BCL11B: variants seen among roughly 807,000 people sequenced by gnomAD.
BCL11B encodes the protein BCL11 transcription factor B.
In BCL11B, 8 loss-of-function variants were observed where a neutral mutation model predicts 49.9. The observed-to-expected ratio is 0.16, with a 90% CI of 0.09 to 0.29. The LOEUF is 0.29. Among genes scored for constraint, BCL11B ranks in the 10% least tolerant of loss-of-function variants. The pLI is 1.00. For missense variants in BCL11B, 1,006 were observed against 1,351.0 expected (o/e 0.74, Z 4.00); for synonymous variants, 739 against 637.4 (o/e 1.16, Z -2.40).
chr14:99,190,123 T>G lies in BCL11B; in HGVS notation c.641-13928A>C, dbSNP rs528634117. Among the ~76,000 whole-genome samples, 6 of 152,348 alleles carry G rather than the reference T, an allele frequency of 3.9e-5. No homozygotes were observed. In the South Asian group the frequency reaches 1.2e-3, roughly 32 times the overall value. Reference sequence around the variant, plus strand: ...ACCTGGCACCCGACCCTACTGGGTGTCCCAATAATGAGCCAACACTTAAAG... The same window carrying G: ...ACCTGGCACCCGACCCTACTGGGTGGCCCAATAATGAGCCAACACTTAAAG... On this transcript the variant is annotated intron_variant, in intron 3 of 3. Transcript: ENST00000357195.
chr14:99,246,565 C>T (rs1039201738), intron 2 of BCL11B, among the ~76,000 whole-genome samples: 12 of 152,196 alleles, frequency 7.9e-5, no homozygotes, highest in Admixed American at 7.9e-4. Flanking sequence ...TTTGAAGTTG[C>T]CAAAGTGTCC....
intron 3 of BCL11B, among the ~76,000 whole-genome samples, chr14:99,201,126 C>T (rs1296070361): frequency 6.6e-6 from 1 of 152,164 alleles, no homozygotes; most frequent in Admixed American, 6.5e-5. Flanking sequence ...CCCAGTTCTC[C>T]GAGGGAAGTG....
chr14:99,175,392 C>A lies in BCL11B; in HGVS notation c.1444G>T (p.Gly482Cys). The A allele has an allele frequency of 1.2e-6, 2 of 1,601,020 alleles. No homozygotes were observed. The highest frequency in any genetic ancestry group is 1.7e-6 in the Non-Finnish European group (2 of 1,176,014). ...RHMKTHMHKA[G>C]SLAGRSDDGL... is the part of the protein sequence containing the mutation. ...TCGTCGGAGCGGCCGGCCAGCGAGC[C>A]GGCCTTGTGCATGTGCGTCTTCATG... Residue 482 changes from glycine (G) to cysteine (C), a missense_variant, in exon 4 of 4, where the codon GGC (glycine) becomes TGC (cysteine). Gly to Cys is a radical substitution (Grantham distance 159). This residue lies in a region of BCL11B where 443 missense variants were observed against 499.7 expected (regional missense o/e 0.89). Transcript: ENST00000357195.
chr14:99,220,049 C>T (rs189716828), intron 3 of BCL11B, among the ~76,000 whole-genome samples: 1 of 152,282 alleles, frequency 6.6e-6, no homozygotes, highest in Non-Finnish European at 1.5e-5. Flanking sequence ...GAGGCAGGTT[C>T]CTTGGCTATC....
rs549811281 is a variant in BCL11B at position 99,170,342 on chromosome 14, T to G, written c.*3809A>C. Reference sequence around the variant, plus strand: ...AAAGCTTCTGCATTTGGTAAGGAATTGCCCAAAAGGATGCTTGGTTATACT... The same window carrying G: ...AAAGCTTCTGCATTTGGTAAGGAATGGCCCAAAAGGATGCTTGGTTATACT... On this transcript the variant is annotated 3_prime_UTR_variant, in exon 4 of 4. Coordinates refer to ENST00000357195, the MANE Select transcript of BCL11B (RefSeq NM_138576.4). 4.5e-6 allele frequency: 1 copy of G among 222,780 alleles called. No homozygotes were observed. The highest frequency in any genetic ancestry group is 9.0e-6 in the Non-Finnish European group (1 of 111,334). 13.8% of individuals were successfully genotyped at this position (222,780 alleles called of 1,614,324 possible).
chr14:99,181,058 T>C (rs1886685529), intron 3 of BCL11B, among the ~76,000 whole-genome samples: 2 of 152,206 alleles, frequency 1.3e-5, no homozygotes, highest in Non-Finnish European at 2.9e-5. Flanking sequence ...ACACCTTTAA[T>C]TGAAATTATT....
chr14:99,173,266 T>C lies in BCL11B; in HGVS notation c.*885A>G, dbSNP rs903078950. On this transcript the variant is annotated 3_prime_UTR_variant, in exon 4 of 4. Transcript: ENST00000357195. ...GGCACCCCAGGGCACACCAACAGGA[T>C]AGTATCTGCTGGTCATGCACAACCT... 4.5e-6 allele frequency: 1 copy of C among 224,564 alleles called. No individual in the cohort carries two copies. Among genetic ancestry groups the C allele is most frequent in the Admixed American group, 5.7e-5 (1 of 17,432 alleles). The allele number at this position is 224,564 out of a possible 1,614,324, so 13.9% of individuals were successfully genotyped here.
intron 3 of BCL11B, among the ~76,000 whole-genome samples, chr14:99,185,826 A>AAG (rs150678558): frequency 0.011 from 1,646 of 152,340 alleles, 23 homozygotes; most frequent in African/African-American, 0.038. Flanking sequence ...GAAGCCCTGG[A>AAG]AGAGTATCAG....
intron 3 of BCL11B, among the ~76,000 whole-genome samples, chr14:99,196,193 C>A (rs1045795064): frequency 5.3e-5 from 8 of 152,156 alleles, no homozygotes; most frequent in Non-Finnish European, 8.8e-5. Flanking sequence ...ATGCTGCCCC[C>A]CAGCCCACGT....
At position 99,262,343 on chromosome 14, in the gene BCL11B, T is replaced by C. The variant is rs1595083887; in HGVS notation, c.59-4504A>G. On this transcript the variant is annotated intron_variant, in intron 1 of 3. Transcript: ENST00000357195. This position sits in a 1 kb window ranked among gnomAD's most constrained non-coding sequence, Gnocchi z 4.2. ...GTGCGTGGCTGCCTGCACACACACA[T>C]GTGCATTGCTACATACACAGTACGT... Among the ~76,000 whole-genome samples, 1 of 152,256 alleles carries C rather than the reference T, an allele frequency of 6.6e-6. No individual in the cohort carries two copies. Among genetic ancestry groups the C allele is most frequent in the South Asian group, 2.1e-4 (1 of 4,830 alleles).
intron 3 of BCL11B, among the ~76,000 whole-genome samples, chr14:99,217,967 T>C (rs1887900267): frequency 6.6e-6 from 1 of 152,170 alleles, no homozygotes; most frequent in Non-Finnish European, 1.5e-5. Context: ...AAAATAATTA[T>C]ATTTTCTTTT....
chr14:99,184,628 C>A lies in BCL11B; in HGVS notation c.641-8433G>T, dbSNP rs1412162274. Among the ~76,000 whole-genome samples the A allele has an allele frequency of 6.6e-6, 1 of 152,188 alleles. No homozygotes were observed. Among genetic ancestry groups the A allele is most frequent in the Non-Finnish European group, 1.5e-5 (1 of 68,040 alleles). ...TGGGGTCCAGACTCACAACTGGCTG[C>A]CCCTCACACAGGGATGGCAGACCCT... On this transcript the variant is annotated intron_variant, in intron 3 of 3. Coordinates refer to ENST00000357195, the MANE Select transcript of BCL11B (RefSeq NM_138576.4). The surrounding 1 kb of genome is among the most constrained non-coding windows in gnomAD (Gnocchi z 6.1).
chr14:99,246,463 C>A (rs939507125), intron 2 of BCL11B, among the ~76,000 whole-genome samples: 1 of 152,188 alleles, frequency 6.6e-6, no homozygotes, highest in African/African-American at 2.4e-5. Context: ...CAGGCGCGCC[C>A]GCAGGCCTGG....
At chr14:99,253,300 A>G (rs1297083939) in intron 2 of BCL11B, among the ~76,000 whole-genome samples, 1 of 152,220 alleles carries the variant, frequency 6.6e-6, no homozygotes, top group Non-Finnish European at 1.5e-5. Context: ...CAAAAGGCAG[A>G]ATGGACGGGA....
chr14:99,188,794 G>A (rs1033407070), intron 3 of BCL11B, among the ~76,000 whole-genome samples: 6 of 152,244 alleles, frequency 3.9e-5, no homozygotes, highest in Admixed American at 6.5e-5. Context: ...GGCTTGGGGC[G>A]GGGGGTGGCG....
chr14:99,182,862 C>G (rs1026425731), intron 3 of BCL11B, among the ~76,000 whole-genome samples: 2 of 152,236 alleles, frequency 1.3e-5, no homozygotes, highest in Non-Finnish European at 2.9e-5. Context: ...CTTTGCCATT[C>G]CTGGATCTCA....
At chr14:99,212,900 C>A (rs899510329) in intron 3 of BCL11B, among the ~76,000 whole-genome samples, 6 of 152,234 alleles carry the variant, frequency 3.9e-5, no homozygotes, top group African/African-American at 1.4e-4. Context: ...CAAGAAGTCT[C>A]TGGGTCTGTC....
intron 3 of BCL11B, among the ~76,000 whole-genome samples, chr14:99,187,363 G>A (rs536226899): frequency 3.9e-5 from 6 of 152,256 alleles, no homozygotes; most frequent in South Asian, 4.1e-4. Context: ...TCCCGCCTTC[G>A]GATAAGGCAC....
At chr14:99,212,427 T>C (rs982556596) in intron 3 of BCL11B, among the ~76,000 whole-genome samples, 8 of 152,158 alleles carry the variant, frequency 5.3e-5, no homozygotes, top group Admixed American at 4.6e-4. Flanking sequence ...ACATTGGGTG[T>C]CTGCTTAGTC....
Sources: allele counts gnomAD v4.1 joint callset (sites outside exome capture counted in the v4.1 genomes callset), GRCh38; gene constraint gnomAD v4.1.1; regional missense constraint gnomAD v4.1.1; non-coding constraint Gnocchi (gnomAD v3.1); transcripts MANE v1.5; gene names NCBI Gene and HGNC (gene_info 2026-07-23, HGNC 2026-07-21).